Variants in CDH18 observed in about 807,000 individuals in gnomAD.
The protein encoded by CDH18 is cadherin 18, also known as cadherin-18.
CDH18 carries 31 observed loss-of-function variants against 67.9 expected under a neutral mutation model. That is an observed-to-expected ratio of 0.46 (90% CI 0.34 to 0.62). The LOEUF is 0.62. CDH18 is among the 20% of genes least tolerant of loss of function. The pLI, the probability that CDH18 is intolerant of heterozygous loss-of-function variation, is 0.01. For missense variants in CDH18, 890 were observed against 975.5 expected, an observed-to-expected ratio of 0.91 and a Z score of 1.17; for synonymous variants, 362 against 347.2, an observed-to-expected ratio of 1.04 and a Z score of -0.48.
At chr5:19,947,598 A>G (rs1166021919) in intron 2 of CDH18, among the ~76,000 whole-genome samples, 1 of 118,616 alleles carries the variant, frequency 8.4e-6, no homozygotes, top group Non-Finnish European at 1.5e-5. Context: ...AAAAAAAAAA[A>G]AAAAAAAAAA....
intron 3 of CDH18, among the ~76,000 whole-genome samples, chr5:19,837,142 A>T (rs1442781180): frequency 6.6e-6 from 1 of 152,160 alleles, no homozygotes; most frequent in African/African-American, 2.4e-5. Flanking sequence ...CATCATTCGC[A>T]GCAAACTAAC....
At chr5:19,775,483 G>A (rs560225736) in intron 3 of CDH18, among the ~76,000 whole-genome samples, 1 of 152,094 alleles carries the variant, frequency 6.6e-6, no homozygotes, top group South Asian at 2.1e-4. Flanking sequence ...CAGTTGTTGC[G>A]GAAGGTGAGG....
At chr5:20,190,916 A>T (rs190191557) in intron 2 of CDH18, among the ~76,000 whole-genome samples, 19 of 152,242 alleles carry the variant, frequency 1.2e-4, no homozygotes, top group Middle Eastern at 6.8e-3. Context: ...GAAAACTTCT[A>T]CTAAAAAAGT....
intron 2 of CDH18, among the ~76,000 whole-genome samples, chr5:20,228,116 A>G (rs1483520472): frequency 1.3e-5 from 2 of 152,108 alleles, no homozygotes; most frequent in South Asian, 4.1e-4. Flanking sequence ...CTTAGTTTCA[A>G]TAACAAAATT....
rs559275969 is a variant in CDH18 at position 19,694,682 on chromosome 5, T to A, written c.643+26665A>T. ...GTGTGTGTGTGTGTGTGTGTCTGTG[T>A]GTGTTTATTTTTTTGTTCCTATTGT... is the stretch of plus-strand genomic sequence containing the variant. On this transcript the variant is annotated intron_variant, in intron 5 of 12. Coordinates refer to ENST00000382275, the MANE Select transcript of CDH18 (RefSeq NM_004934.5). 2.0e-5 allele frequency among the ~76,000 whole-genome samples: 3 copies of A among 151,992 alleles called. No individual in the cohort carries two copies. In the East Asian group the frequency reaches 5.8e-4, roughly 29 times the overall value.
intron 2 of CDH18, among the ~76,000 whole-genome samples, chr5:19,969,085 A>G (rs1335375867): frequency 6.9e-6 from 1 of 144,394 alleles, no homozygotes; most frequent in East Asian, 1.9e-4. Flanking sequence ...CAAAATACAC[A>G]TGAAAAAATG....
chr5:20,025,234 C>T (rs1342031955), intron 2 of CDH18, among the ~76,000 whole-genome samples: 1 of 152,158 alleles, frequency 6.6e-6, no homozygotes, highest in Admixed American at 6.6e-5. Context: ...TCTTAGTACA[C>T]TGTAAGTATT....
At chr5:20,471,089 A>AACTTT (rs77150167) in intron 1 of CDH18, among the ~76,000 whole-genome samples, 18,296 of 152,128 alleles carry the variant, frequency 0.12, 1,987 homozygotes, top group African/African-American at 0.29. Flanking sequence ...TCTTAAACTT[A>AACTTT]AAGTGGGTAT....
intron 2 of CDH18, among the ~76,000 whole-genome samples, chr5:19,998,608 T>C (rs1204056454): frequency 6.6e-6 from 1 of 152,150 alleles, no homozygotes; most frequent in African/African-American, 2.4e-5. Flanking sequence ...TTGTTCAATA[T>C]CTGTTTTTCA....
chr5:20,333,008 A>G (rs185778200), intron 1 of CDH18, among the ~76,000 whole-genome samples: 20 of 147,566 alleles, frequency 1.4e-4, no homozygotes, highest in African/African-American at 5.1e-4. Flanking sequence ...ACATGGAGAG[A>G]ACATGCAAAC....
intron 3 of CDH18, among the ~76,000 whole-genome samples, chr5:19,827,898 T>C (rs1451726811): frequency 2.6e-5 from 4 of 152,104 alleles, no homozygotes; most frequent in Admixed American, 2.6e-4. Context: ...GAAATTGATA[T>C]GTGACACGCC....
At chr5:20,489,375 C>T (rs2126374527) in intron 1 of CDH18, among the ~76,000 whole-genome samples, 1 of 152,074 alleles carries the variant, frequency 6.6e-6, no homozygotes. Context: ...AATCATAAGG[C>T]TAGCAATGAT....
intron 8 of CDH18, among the ~76,000 whole-genome samples, chr5:19,563,480 T>TTGGGTGAGGA (rs1410548856): frequency 6.6e-6 from 1 of 152,204 alleles, no homozygotes; most frequent in African/African-American, 2.4e-5. Flanking sequence ...CCAAAAGCTC[T>TTGGGTGAGGA]CTAGCTTCTT....
At chr5:19,824,229 G>A (rs771494129) in intron 3 of CDH18, among the ~76,000 whole-genome samples, 13 of 152,102 alleles carry the variant, frequency 8.5e-5, no homozygotes, top group Non-Finnish European at 1.8e-4. Flanking sequence ...CTCACAGAGG[G>A]GGAGCAAAAC....
intron 3 of CDH18, among the ~76,000 whole-genome samples, chr5:19,838,122 A>AT (rs941153555): frequency 4.0e-5 from 6 of 151,816 alleles, no homozygotes; most frequent in Non-Finnish European, 7.4e-5. Flanking sequence ...TTCTATTGTG[A>AT]TTTTTTTTCA....
chr5:20,178,370 CCTT>C (rs957211359), intron 2 of CDH18, among the ~76,000 whole-genome samples: 2 of 151,542 alleles, frequency 1.3e-5, no homozygotes, highest in Admixed American at 1.3e-4. Context: ...ATCTAGCCAC[CCTT>C]CTTCTTGGTT....
intron 3 of CDH18, among the ~76,000 whole-genome samples, chr5:19,780,137 A>G (rs1342350354): frequency 6.6e-6 from 1 of 152,150 alleles, no homozygotes; most frequent in African/African-American, 2.4e-5. Context: ...CTCCATCCAC[A>G]GAAGAGTGCA....
intron 2 of CDH18, among the ~76,000 whole-genome samples, chr5:19,842,472 A>T (rs908006360): frequency 5.3e-5 from 8 of 152,178 alleles, no homozygotes; most frequent in African/African-American, 1.9e-4. Context: ...TGTGAAAAAG[A>T]ACATGTTTGC....
At chr5:20,412,540 G>C (rs1004499406) in intron 1 of CDH18, among the ~76,000 whole-genome samples, 7 of 152,144 alleles carry the variant, frequency 4.6e-5, no homozygotes, top group Non-Finnish European at 1.0e-4. Context: ...TGCATAACAA[G>C]AGAAACAGTG....
Sources: gnomAD v4.1 joint callset for allele counts (sites outside exome capture counted in the v4.1 genomes callset) on GRCh38, gnomAD v4.1.1 for gene constraint, MANE v1.5 for transcripts, NCBI Gene and HGNC (gene_info 2026-07-23, HGNC 2026-07-21) for gene names.